GABRB2: variants seen among roughly 807,000 people sequenced by gnomAD.
GABRB2 encodes gamma-aminobutyric acid type A receptor subunit beta2.
GABRB2 carries 16 observed loss-of-function variants against 54.7 expected under a neutral mutation model. The observed-to-expected ratio is 0.29, with a 90% confidence interval of 0.20 to 0.44. GABRB2 has a LOEUF of 0.44. Among genes scored for constraint, GABRB2 ranks in the 20% least tolerant of loss-of-function variants. The pLI, the probability that GABRB2 is intolerant of heterozygous loss-of-function variation, is 1.00. For missense variants in GABRB2, 355 were observed against 644.0 expected, an observed-to-expected ratio of 0.55 and a Z score of 4.86; for synonymous variants, 244 against 233.8, an observed-to-expected ratio of 1.04 and a Z score of -0.40.
intron 5 of GABRB2, among the ~76,000 whole-genome samples, chr5:161,401,859 T>C (rs1428095751): frequency 2.0e-5 from 3 of 152,140 alleles, no homozygotes; most frequent in African/African-American, 7.2e-5. Flanking sequence ...ATCTTATATA[T>C]TAGTGTATTC....
chr5:161,502,832 A>G (rs1033971712), intron 3 of GABRB2, among the ~76,000 whole-genome samples: 2 of 152,230 alleles, frequency 1.3e-5, no homozygotes, highest in Middle Eastern at 3.2e-3. Context: ...AGGGAGTTGC[A>G]CAGAGAAGAA....
At chr5:161,489,143 C>A (rs1055042594) in intron 3 of GABRB2, among the ~76,000 whole-genome samples, 3 of 151,676 alleles carry the variant, frequency 2.0e-5, no homozygotes, top group Non-Finnish European at 4.4e-5. Context: ...TTGTGAGTAA[C>A]AAAGCCATAA....
chr5:161,384,803 C>G (rs1580937721), intron 5 of GABRB2, among the ~76,000 whole-genome samples: 1 of 152,128 alleles, frequency 6.6e-6, no homozygotes, highest in African/African-American at 2.4e-5. Context: ...GAAATGCTTT[C>G]CTTATATAGG....
At chr5:161,463,551 T>TA (rs1554102436) in intron 3 of GABRB2, among the ~76,000 whole-genome samples, 80 of 30,220 alleles carry the variant, frequency 2.6e-3, no homozygotes, top group East Asian at 5.0e-3. Context: ...CCAAATATTT[T>TA]TATTTATATA....
chr5:161,318,141 G>C (rs1181821562), intron 9 of GABRB2, among the ~76,000 whole-genome samples: 1 of 151,652 alleles, frequency 6.6e-6, no homozygotes, highest in Non-Finnish European at 1.5e-5. Flanking sequence ...AATGTAATTA[G>C]AAAGAAAACA....
At chr5:161,304,838 T>C (rs1757636556) in intron 9 of GABRB2, among the ~76,000 whole-genome samples, 2 of 152,040 alleles carry the variant, frequency 1.3e-5, no homozygotes, top group South Asian at 2.1e-4. Context: ...TTTAGAAGGC[T>C]AGAATTATTT....
intron 4 of GABRB2, among the ~76,000 whole-genome samples, chr5:161,439,642 A>G (rs1757406099): frequency 6.6e-6 from 1 of 152,236 alleles, no homozygotes; most frequent in African/African-American, 2.4e-5. Flanking sequence ...GAAAAAACAA[A>G]AAGTTTAAAA....
At chr5:161,505,890 C>T (rs1759590828) in intron 3 of GABRB2, among the ~76,000 whole-genome samples, 1 of 152,152 alleles carries the variant, frequency 6.6e-6, no homozygotes, top group East Asian at 1.9e-4. Context: ...ATCAAGCTAG[C>T]ATGCCTGCTA....
At chr5:161,445,194 A>T (rs976791293) in intron 4 of GABRB2, among the ~76,000 whole-genome samples, 1 of 152,188 alleles carries the variant, frequency 6.6e-6, no homozygotes, top group Non-Finnish European at 1.5e-5. Context: ...GTGACAGGCC[A>T]TTAAATAGTA....
chr5:161,541,786 A>G (rs1760826031), intron 3 of GABRB2, among the ~76,000 whole-genome samples: 1 of 152,238 alleles, frequency 6.6e-6, no homozygotes, highest in Non-Finnish European at 1.5e-5. Flanking sequence ...CCATATCATC[A>G]GTAAGCCTTT....
At chr5:161,404,937 C>T (rs1756303090) in intron 5 of GABRB2, among the ~76,000 whole-genome samples, 1 of 152,126 alleles carries the variant, frequency 6.6e-6, no homozygotes. Context: ...TGAAATAATT[C>T]CTTTATTCCC....
chr5:161,518,996 C>T (rs6879106), intron 3 of GABRB2, among the ~76,000 whole-genome samples: 151,696 of 152,298 alleles, frequency 1, 75,553 homozygotes, highest in East Asian at 1. Flanking sequence ...ACCTTTTGAG[C>T]TCTATAAGGT....
chr5:161,491,674 G>T (rs1759095601), intron 3 of GABRB2, among the ~76,000 whole-genome samples: 1 of 151,524 alleles, frequency 6.6e-6, no homozygotes, highest in Admixed American at 6.6e-5. Context: ...AAGGATGACT[G>T]GTCTTCCAGC....
At chr5:161,535,052 T>G (rs995291631) in intron 3 of GABRB2, among the ~76,000 whole-genome samples, 2 of 152,214 alleles carry the variant, frequency 1.3e-5, no homozygotes, top group African/African-American at 4.8e-5. Context: ...ACCATAAATT[T>G]TTGACATTAA....
chr5:161,469,688 C>T (rs1390195882), intron 3 of GABRB2, among the ~76,000 whole-genome samples: 1 of 136,498 alleles, frequency 7.3e-6, no homozygotes. Context: ...TACACATACA[C>T]ATACACATAC....
chr5:161,529,432 T>C (rs545102583), intron 3 of GABRB2, among the ~76,000 whole-genome samples: 77 of 152,042 alleles, frequency 5.1e-4, no homozygotes, highest in Admixed American at 1.2e-3. Flanking sequence ...ACAAAATAAA[T>C]GGGATAGGAG....
chr5:161,469,527 A>C lies in GABRB2; in HGVS notation c.238-9683T>G, dbSNP rs1758376457. On this transcript the variant is annotated intron_variant, in intron 3 of 9. Transcript: ENST00000393959. ...TAAAAACCAAAAAAAACCAAAAAACAAAAAACAAAAAGAAAACAACAACAA... is the reference window on the plus strand; with the variant it reads ...TAAAAACCAAAAAAAACCAAAAAACCAAAAACAAAAAGAAAACAACAACAA... Among the ~76,000 whole-genome samples, 3 of 151,612 alleles carry C rather than the reference A, an allele frequency of 2.0e-5. No individual in the cohort carries two copies. In the South Asian group the frequency reaches 6.3e-4, roughly 32 times the overall value.
chr5:161,511,860 C>T (rs898851338), intron 3 of GABRB2, among the ~76,000 whole-genome samples: 1 of 151,992 alleles, frequency 6.6e-6, no homozygotes, highest in African/African-American at 2.4e-5. Context: ...GAGCTACCTT[C>T]CTAACCTCAC....
At chr5:161,367,139 G>T (rs1360438587) in intron 5 of GABRB2, among the ~76,000 whole-genome samples, 5 of 152,140 alleles carry the variant, frequency 3.3e-5, no homozygotes, top group African/African-American at 1.2e-4. Flanking sequence ...ATCTTTCACT[G>T]TCTTGTTTAG....
Sources: allele counts gnomAD v4.1 joint callset (sites outside exome capture counted in the v4.1 genomes callset), GRCh38; gene constraint gnomAD v4.1.1; transcripts MANE v1.5; gene names NCBI Gene and HGNC (gene_info 2026-07-23, HGNC 2026-07-21).